TTN: variants seen among roughly 807,000 people sequenced by gnomAD.
TTN encodes the protein titin, also known as connectin.
TTN carries 1,525 observed loss-of-function variants against 3,223.0 expected under a neutral mutation model. The observed-to-expected ratio is 0.47, with a 90% CI of 0.45 to 0.49. TTN has a LOEUF of 0.49. TTN is among the 20% of genes least tolerant of loss of function. The probability of loss-of-function intolerance (pLI) is 0.00; values close to 1 mark genes in which losing one functional copy is unlikely to be tolerated. For missense variants in TTN, 40,786 were observed against 43,424.0 expected (o/e 0.94, Z 5.40); for synonymous variants, 14,094 against 15,161.0 (o/e 0.93, Z 5.17).
intron 1 of TTN, among the ~76,000 whole-genome samples, chr2:178,806,011 C>G (rs2094301921): frequency 6.6e-6 from 1 of 152,136 alleles, no homozygotes; most frequent in Admixed American, 6.5e-5. Flanking sequence ...TCTGAATTGT[C>G]AATCACTTCA....
chr2:178,724,228 A>G lies in TTN; in HGVS notation c.21115+32T>C, dbSNP rs766571389. On this transcript the variant is annotated intron_variant, in intron 72 of 362. Transcript: ENST00000589042. ...AAGGAAACTTGTAAAAGGAATTTGCATAAGCAACCAGAAGAAAACAGCAGA... is the reference window on the plus strand; with the variant it reads ...AAGGAAACTTGTAAAAGGAATTTGCGTAAGCAACCAGAAGAAAACAGCAGA... The G allele has an allele frequency of 3.1e-6, 5 of 1,592,562 alleles. No homozygotes were observed. In the Admixed American group the frequency reaches 7.1e-5, roughly 23 times the overall value.
rs760594953 is a variant in TTN at position 178,576,900 on chromosome 2, A to G, written c.69412+23T>C. On this transcript the variant is annotated intron_variant, in intron 324 of 362. Coordinates refer to ENST00000589042, the MANE Select transcript of TTN (RefSeq NM_001267550.2). The surrounding 1 kb of genome is among the most constrained non-coding windows in gnomAD (Gnocchi z 4.3). ...CTCTGCTATAAATGTTTCCATGTCA[A>G]TTCCCTCACATGCTCTACATACCAA... The G allele has an allele frequency of 2.1e-5, 34 of 1,605,378 alleles. No individual in the cohort carries two copies. In the East Asian group the frequency reaches 3.1e-4, roughly 15 times the overall value.
rs775552018 is a variant in TTN at position 178,733,845 on chromosome 2, C to T, written c.15544G>A (p.Gly5182Arg). 5.0e-6 allele frequency: 8 copies of T among 1,608,098 alleles called. No individual in the cohort carries two copies. In the East Asian group the frequency reaches 1.3e-4, roughly 27 times the overall value. Residue 5182 changes from glycine to arginine, a missense_variant, in exon 53 of 363, where the codon GGA becomes AGA. By Grantham distance (125) the Gly-to-Arg change is moderately radical. Coordinates refer to ENST00000589042, the MANE Select transcript of TTN (RefSeq NM_001267550.2). ...GCAGCTTGCAGGGTAACGGTTTGTC[C>T]TCCTAGTGCAATCAAATCATCTACT... ...KKVDDLIALG[G>R]QTVTLQAAVR...
At position 178,568,714 on chromosome 2, in the gene TTN, A is replaced by C. The variant is rs759686148; in HGVS notation, c.77418T>G (p.Ser25806Arg). 1 of 1,613,328 alleles carries C rather than the reference A, an allele frequency of 6.2e-7. No individual in the cohort carries two copies. Among genetic ancestry groups the C allele is most frequent in the Non-Finnish European group, 8.5e-7 (1 of 1,179,562 alleles). The change falls in exon 326 of 363, where the codon AGT (serine) becomes AGG (arginine). Residue 25806 changes from serine (S) to arginine (R), a missense_variant. By Grantham distance (110) the Ser-to-Arg change is moderately radical. Transcript: ENST00000589042. ...IEPDVKPAFSSYSVQVGQDLK... is the reference protein window; with the variant it reads ...IEPDVKPAFSRYSVQVGQDLK... ...AATCTTGGCCAACCTGTACACTGTA[A>C]CTACTGAATGCAGGTTTTACATCTG...
At chr2:178,617,605 G>A in intron 253 of TTN, 93 bp from the exon 254 acceptor site, 1 of 1,421,624 alleles carries the variant, frequency 7.0e-7, no homozygotes, top group Non-Finnish European at 9.5e-7. Flanking sequence ...CTCATTAACA[G>A]GTTTATCAAA....
At chr2:178,802,916 A>G (rs1045536152) in intron 2 of TTN, among the ~76,000 whole-genome samples, 1 of 152,236 alleles carries the variant, frequency 6.6e-6, no homozygotes, top group South Asian at 2.1e-4. Flanking sequence ...GCAATTTCTC[A>G]TAAGAGACTA....
At position 178,654,142 on chromosome 2, in the gene TTN, A is replaced by G; in HGVS notation, c.38381-47T>C. On this transcript the variant is annotated intron_variant, in intron 193 of 362. Coordinates refer to ENST00000589042, the MANE Select transcript of TTN (RefSeq NM_001267550.2). ...TATAATTTATGAATGGCGAAGGTATATATTACAGTGATTGTGAGGGGTACA... is the reference window on the plus strand; with the variant it reads ...TATAATTTATGAATGGCGAAGGTATGTATTACAGTGATTGTGAGGGGTACA... 2.5e-6 allele frequency: 4 copies of G among 1,594,522 alleles called. 1 individual carries two copies. Among genetic ancestry groups the G allele is most frequent in the Non-Finnish European group, 3.4e-6 (4 of 1,178,424 alleles).
intron 340 of TTN, 45 bp downstream of exon 340, chr2:178,546,958 A>G (rs1313144414): frequency 6.3e-7 from 1 of 1,583,686 alleles, no homozygotes; most frequent in East Asian, 2.2e-5. Flanking sequence ...GTTCTACTAG[A>G]ATCAGTAATA....
chr2:178,685,483 A>G, intron 128 of TTN, 35 bp downstream of exon 128: 1 of 1,585,044 alleles, frequency 6.3e-7, no homozygotes, highest in Non-Finnish European at 8.6e-7. Flanking sequence ...AGACAAGCTA[A>G]CATAGGGATA....
intron 1 of TTN, among the ~76,000 whole-genome samples, chr2:178,806,018 T>C (rs2094302162): frequency 6.6e-6 from 1 of 152,204 alleles, no homozygotes; most frequent in Non-Finnish European, 1.5e-5. Context: ...TGTCAATCAC[T>C]TCATTACTAT....
At position 178,618,351 on chromosome 2, in the gene TTN, T is replaced by G; in HGVS notation, c.47107A>C (p.Thr15703Pro). 1 of 1,612,572 alleles carries G rather than the reference T, an allele frequency of 6.2e-7. No homozygotes were observed. The highest frequency in any genetic ancestry group is 8.5e-7 in the Non-Finnish European group (1 of 1,179,104). ...VVERRDIKRKTWVLATDRAES... is the reference protein window; with the variant it reads ...VVERRDIKRKPWVLATDRAES... ...GCACGGTCTGTGGCCAGAACCCAGG[T>G]CTTTCTCTTAATGTCACGTCTTTCA... Residue 15703 changes from threonine (T) to proline (P), a missense_variant, in exon 252 of 363, where the codon ACC (threonine) becomes CCC (proline). Physicochemically the swap from Thr to Pro is conservative, Grantham distance 38 (BLOSUM62 -1). Transcript: ENST00000589042.
intron 49 of TTN, among the ~76,000 whole-genome samples, chr2:178,737,638 C>T (rs2081746057): frequency 6.6e-6 from 1 of 152,048 alleles, no homozygotes; most frequent in Admixed American, 6.6e-5. Context: ...TAGAGAGAAT[C>T]CTAGTTTTCA....
At chr2:178,671,727 A>T (rs939107686) in intron 155 of TTN, among the ~76,000 whole-genome samples, 2 of 151,782 alleles carry the variant, frequency 1.3e-5, no homozygotes, top group Non-Finnish European at 3.0e-5. Flanking sequence ...AGTCAGATTT[A>T]AAAAATAATC....
rs587780494 is a variant in TTN, at chr2:178,775,155, T to TTGTCTGTTTCCTTACA, written c.6555_6556insTGTAAGGAAACAGACA (p.Lys2186CysfsTer15). 8.1e-6 allele frequency: 13 copies of TTGTCTGTTTCCTTACA among 1,613,876 alleles called. No individual in the cohort carries two copies. Among genetic ancestry groups the TTGTCTGTTTCCTTACA allele is most frequent in the African/African-American group, 2.7e-5 (2 of 74,904 alleles). ...AAGGTTGCCATAGTGTCTTTTTCCT[T>TTGTCTGTTTCCTTACA]AGCAACAACATCTTGTAATTCCTGT... is the stretch of plus-strand genomic sequence containing the variant. On this transcript the variant is annotated frameshift_variant, in exon 29 of 363. Coordinates refer to ENST00000589042, the MANE Select transcript of TTN (RefSeq NM_001267550.2). LOFTEE classifies it high-confidence loss of function.
rs1341976142 is a variant in TTN at position 178,720,269 on chromosome 2, T to G, written c.23378-5A>C. 6.2e-7 allele frequency: 1 copy of G among 1,604,068 alleles called. No homozygotes were observed. Among genetic ancestry groups the G allele is most frequent in the Non-Finnish European group, 8.5e-7 (1 of 1,173,974 alleles). On this transcript the variant is annotated splice_region_variant and splice_polypyrimidine_tract_variant and intron_variant, in intron 80 of 362. Transcript: ENST00000589042. Reference sequence around the variant, plus strand: ...TTTTCACGAATCGTGGAGGTTCTGATGAAAGAAATTTGTGGTTAGAGGAAA... The same window carrying G: ...TTTTCACGAATCGTGGAGGTTCTGAGGAAAGAAATTTGTGGTTAGAGGAAA...
chr2:178,714,943 T>C, intron 90 of TTN, 43 bp downstream of exon 90: 1 of 1,566,442 alleles, frequency 6.4e-7, no homozygotes, highest in Middle Eastern at 1.7e-4. Flanking sequence ...GTATTACAAT[T>C]AGAAGGGAAG....
chr2:178,529,003 G>A lies in TTN; in HGVS notation c.106748C>T (p.Ser35583Phe). The change falls in exon 360 of 363, where the codon TCC (serine) becomes TTC (phenylalanine). Residue 35583 changes from serine to phenylalanine, a missense_variant. By Grantham distance (155) the Ser-to-Phe change is radical. Transcript: ENST00000589042. ...CTCATGGACAATGGATTTTTCCAGG[G>A]AGGTTGCTGCTGATTTCTTGACTTC... The part of the protein sequence containing the change: ...SEEVKKSAAT[S>F]LEKSIVHEEI... 1 of 1,613,960 alleles carries A rather than the reference G, an allele frequency of 6.2e-7. No individual in the cohort carries two copies. The highest frequency in any genetic ancestry group is 8.5e-7 in the Non-Finnish European group (1 of 1,179,866).
intron 362 of TTN, 31 bp downstream of exon 362, chr2:178,527,415 G>A: frequency 1.2e-6 from 2 of 1,601,156 alleles, no homozygotes; most frequent in East Asian, 2.2e-5. Context: ...TACTTGGCTT[G>A]TCTACCTCTA....
chr2:178,591,212 A>G lies in TTN; in HGVS notation c.60513T>C (p.Val20171=). Reference sequence around the variant, plus strand: ...TAATAGGACCTGTTGGTGGCCCAGGAACATCAAGAACAGTAAGATGTACGG... The same window carrying G: ...TAATAGGACCTGTTGGTGGCCCAGGGACATCAAGAACAGTAAGATGTACGG... The part of the protein sequence containing the change: ...TVAVHLTVLD[V]PGPPTGPINI... Residue 20171 remains valine, a synonymous_variant, in exon 304 of 363, where the codon GTT becomes GTC. Transcript: ENST00000589042. 1.2e-6 allele frequency: 2 copies of G among 1,613,464 alleles called. No individual in the cohort carries two copies. The highest frequency in any genetic ancestry group is 1.1e-5 in the South Asian group (1 of 91,068).
Sources: gnomAD v4.1 joint callset for allele counts (sites outside exome capture counted in the v4.1 genomes callset) on GRCh38, gnomAD v4.1.1 for gene constraint, Gnocchi (gnomAD v3.1) non-coding constraint, MANE v1.5 for transcripts, NCBI Gene and HGNC (gene_info 2026-07-23, HGNC 2026-07-21) for gene names.